PDE4B: variants seen among roughly 807,000 people sequenced by gnomAD.
The protein encoded by PDE4B is phosphodiesterase 4B.
A neutral mutation model predicts 82.2 loss-of-function variants in PDE4B; 20 were observed. The ratio of observed to expected loss-of-function variants is 0.24; its 90% CI spans 0.17 to 0.35. PDE4B has a LOEUF of 0.35. PDE4B is among the 10% of genes least tolerant of loss of function. PDE4B has a pLI of 1.00. For synonymous variants in PDE4B, 320 were observed against 318.9 expected, an observed-to-expected ratio of 1.00 and a Z score of -0.04; for missense variants, 655 against 907.2, an observed-to-expected ratio of 0.72 and a Z score of 3.57.
chr1:66,060,457 G>A (rs1427880893), intron 3 of PDE4B, among the ~76,000 whole-genome samples: 1 of 152,188 alleles, frequency 6.6e-6, no homozygotes, highest in Non-Finnish European at 1.5e-5. Context: ...AGCCAGACAT[G>A]TGAATATTGA....
chr1:66,281,089 T>C (rs1381853226), intron 7 of PDE4B, among the ~76,000 whole-genome samples: 3 of 152,182 alleles, frequency 2.0e-5, no homozygotes. Flanking sequence ...CTCTTATTTA[T>C]CTTCTGATAA....
At chr1:66,143,094 G>A (rs1646204600) in intron 3 of PDE4B, among the ~76,000 whole-genome samples, 1 of 152,184 alleles carries the variant, frequency 6.6e-6, no homozygotes. Context: ...AGAAAATGCT[G>A]GAAGAATCAG....
intron 3 of PDE4B, among the ~76,000 whole-genome samples, chr1:66,057,491 G>T (rs769176134): frequency 6.6e-6 from 1 of 151,996 alleles, no homozygotes; most frequent in South Asian, 2.1e-4. Flanking sequence ...TATTATATTC[G>T]TTCATTTTCA....
intron 3 of PDE4B, among the ~76,000 whole-genome samples, chr1:66,183,155 C>A (rs1444844047): frequency 6.6e-6 from 1 of 152,040 alleles, no homozygotes; most frequent in African/African-American, 2.4e-5. Context: ...TCACAGGCAG[C>A]CTTTTGTGCT....
At chr1:66,342,865 G>A (rs1661105793) in intron 8 of PDE4B, among the ~76,000 whole-genome samples, 1 of 152,174 alleles carries the variant, frequency 6.6e-6, no homozygotes, top group African/African-American at 2.4e-5. Flanking sequence ...CCAACACGGA[G>A]AAACCCTGTC....
chr1:65,855,425 C>A (rs1646381424), intron 1 of PDE4B, among the ~76,000 whole-genome samples: 2 of 152,092 alleles, frequency 1.3e-5, no homozygotes, highest in South Asian at 4.1e-4. Context: ...TAGAATGAGT[C>A]TCGAGTAGCC....
chr1:66,027,147 T>A (rs941845396), intron 3 of PDE4B, among the ~76,000 whole-genome samples: 2 of 152,164 alleles, frequency 1.3e-5, no homozygotes, highest in Non-Finnish European at 2.9e-5. Context: ...TAAAGACATA[T>A]CTGAGACTGG....
At chr1:65,964,710 A>G (rs909535224) in intron 3 of PDE4B, among the ~76,000 whole-genome samples, 6 of 152,198 alleles carry the variant, frequency 3.9e-5, no homozygotes, top group Admixed American at 6.5e-5. Flanking sequence ...GTGAACTGCT[A>G]TCTGACCATT....
intron 3 of PDE4B, among the ~76,000 whole-genome samples, chr1:65,959,325 T>C (rs1006454864): frequency 3.9e-5 from 6 of 152,332 alleles, no homozygotes; most frequent in African/African-American, 1.4e-4. Flanking sequence ...TGTGTATGTA[T>C]GGTAATTTTC....
chr1:66,154,696 G>A (rs1646468121), intron 3 of PDE4B, among the ~76,000 whole-genome samples: 3 of 152,188 alleles, frequency 2.0e-5, no homozygotes, highest in Admixed American at 6.5e-5. Flanking sequence ...AAGCAAAAAT[G>A]CTTTCAAATA....
chr1:65,911,777 C>G (rs1364895988), intron 1 of PDE4B, among the ~76,000 whole-genome samples: 1 of 152,114 alleles, frequency 6.6e-6, no homozygotes, highest in African/African-American at 2.4e-5. Flanking sequence ...GGTTCTCTCC[C>G]TAGAGCACTT....
At chr1:66,362,370 T>G (rs1662850666) in intron 10 of PDE4B, among the ~76,000 whole-genome samples, 1 of 152,088 alleles carries the variant, frequency 6.6e-6, no homozygotes, top group South Asian at 2.1e-4. Flanking sequence ...TCATACATCC[T>G]TTAGGAGGCC....
Position 66,129,586 on chromosome 1 carries a change from G to A in PDE4B, c.282-117874G>A, listed in dbSNP as rs540893758. ...GAGGCAGGAGAATGGCGTGAACCCGGGAGGCGGAGCTTGCAGTGAGCCGAG... is the reference window on the plus strand; with the variant it reads ...GAGGCAGGAGAATGGCGTGAACCCGAGAGGCGGAGCTTGCAGTGAGCCGAG... On this transcript the variant is annotated intron_variant, in intron 3 of 16. Coordinates refer to ENST00000341517, the MANE Select transcript of PDE4B (RefSeq NM_002600.4). 1.3e-3 allele frequency among the ~76,000 whole-genome samples: 194 copies of A among 149,686 alleles called. 1 individual carries two copies. The highest frequency in any genetic ancestry group is 3.4e-3 in the Middle Eastern group (1 of 292).
intron 3 of PDE4B, among the ~76,000 whole-genome samples, chr1:66,166,209 G>A (rs1646728210): frequency 6.6e-6 from 1 of 152,092 alleles, no homozygotes; most frequent in South Asian, 2.1e-4. Context: ...AATGGAATTG[G>A]ACTTCTAATT....
intron 3 of PDE4B, among the ~76,000 whole-genome samples, chr1:66,179,004 G>C (rs1647002279): frequency 6.6e-6 from 1 of 151,990 alleles, no homozygotes; most frequent in African/African-American, 2.4e-5. Context: ...GCACCTGCCA[G>C]GAAGGACTGG....
At chr1:65,933,075 G>A (rs927853753) in intron 3 of PDE4B, among the ~76,000 whole-genome samples, 1 of 152,056 alleles carries the variant, frequency 6.6e-6, no homozygotes, top group African/African-American at 2.4e-5. Flanking sequence ...ATCTGGGGAA[G>A]AAAATGCACA....
intron 7 of PDE4B, among the ~76,000 whole-genome samples, chr1:66,322,319 A>C (rs1384785447): frequency 6.6e-6 from 1 of 152,168 alleles, no homozygotes; most frequent in African/African-American, 2.4e-5. Flanking sequence ...GACAAATGGG[A>C]TCTAATTAAA....
In PDE4B at chr1:65,924,077, A is replaced by ATTTTTTTTTTTTTTTTTTTTTTTTTT; in HGVS notation, c.281+5257_281+5258insTTTTTTTTTTTTTTTTTTTTTTTTTT. Among the ~76,000 whole-genome samples the ATTTTTTTTTTTTTTTTTTTTTTTTTT allele has an allele frequency of 2.5e-4, 10 of 40,788 alleles. 3 individuals carry two copies. The highest frequency in any genetic ancestry group is 5.6e-4 in the East Asian group (1 of 1,770). 26.8% of individuals were successfully genotyped at this position (40,788 alleles called of 152,430 possible). ...TTCTAATCTGCCTTCCAGTTTGCTA[A>ATTTTTTTTTTTTTTTTTTTTTTTTTT]TTTTTTTTTTTTTTTGAGACGGAGT... On this transcript the variant is annotated intron_variant, in intron 3 of 16. Transcript: ENST00000341517.
chr1:66,157,885 G>A (rs1646532013), intron 3 of PDE4B, among the ~76,000 whole-genome samples: 1 of 151,998 alleles, frequency 6.6e-6, no homozygotes, highest in Non-Finnish European at 1.5e-5. Context: ...TGTAAAAAGT[G>A]ATCATCTTTT....
Sources: allele counts gnomAD v4.1 joint callset (sites outside exome capture counted in the v4.1 genomes callset), GRCh38; gene constraint gnomAD v4.1.1; transcripts MANE v1.5; gene names NCBI Gene and HGNC (gene_info 2026-07-23, HGNC 2026-07-21).